Variants in SYT16 observed in about 807,000 individuals in gnomAD.
SYT16 encodes synaptotagmin-16.
In SYT16, 42 loss-of-function variants were observed where a neutral mutation model predicts 61.4. That is an observed-to-expected ratio of 0.68 (90% CI 0.53 to 0.89). The LOEUF is 0.89. SYT16 is among the 40% of genes least tolerant of loss of function. The pLI, the probability that SYT16 is intolerant of heterozygous loss-of-function variation, is 0.00. For synonymous variants in SYT16, 314 were observed against 302.3 expected (o/e 1.04, Z -0.40); for missense variants, 804 against 807.3 (o/e 1.00, Z 0.05).
At chr14:61,955,442 C>T (rs1457155955) in intron 1 of SYT16, among the ~76,000 whole-genome samples, 2 of 151,994 alleles carry the variant, frequency 1.3e-5, no homozygotes, top group African/African-American at 2.4e-5. Flanking sequence ...AACTACAACT[C>T]CCCATTTTCT....
At chr14:62,090,329 C>G (rs1595391230) in intron 7 of SYT16, among the ~76,000 whole-genome samples, 1 of 152,202 alleles carries the variant, frequency 6.6e-6, no homozygotes, top group South Asian at 2.1e-4. Context: ...AATGATAATA[C>G]TTAACAGCAG....
At chr14:62,023,878 T>G (rs921212944) in intron 3 of SYT16, among the ~76,000 whole-genome samples, 1 of 152,168 alleles carries the variant, frequency 6.6e-6, no homozygotes, top group Non-Finnish European at 1.5e-5. Context: ...TGGTAGTGTA[T>G]TCTTTTTCAA....
intron 1 of SYT16, among the ~76,000 whole-genome samples, chr14:61,902,354 G>A (rs761773887): frequency 1.3e-5 from 2 of 152,174 alleles, no homozygotes; most frequent in Non-Finnish European, 2.9e-5. Context: ...TAAAAGTCCT[G>A]ATTATATTCC....
At chr14:62,022,983 A>T (rs1032316318) in intron 3 of SYT16, among the ~76,000 whole-genome samples, 3 of 152,200 alleles carry the variant, frequency 2.0e-5, no homozygotes, top group African/African-American at 4.8e-5. Context: ...ATAATTTTAA[A>T]GTCCTTGTCT....
chr14:62,039,876 CACGCACAT>C (rs1314447386), intron 3 of SYT16, among the ~76,000 whole-genome samples: 180 of 73,098 alleles, frequency 2.5e-3, no homozygotes, highest in African/African-American at 5.0e-3. Flanking sequence ...CACACACACA[CACGCACAT>C]ACACACTAGA....
intron 1 of SYT16, among the ~76,000 whole-genome samples, chr14:61,878,012 T>C (rs60394027): frequency 6.6e-6 from 1 of 152,254 alleles, no homozygotes; most frequent in East Asian, 1.9e-4. Context: ...ACTGCCAGTA[T>C]ACCTGCCCTG....
At chr14:61,814,255 A>G (rs1218545866) in intron 1 of SYT16, among the ~76,000 whole-genome samples, 2 of 152,214 alleles carry the variant, frequency 1.3e-5, no homozygotes, top group Non-Finnish European at 1.5e-5. Flanking sequence ...GTTCATTTAT[A>G]CAAAGTGTGA....
intron 1 of SYT16, among the ~76,000 whole-genome samples, chr14:61,948,413 T>TA (rs769475499): frequency 0.011 from 1,421 of 131,758 alleles, 4 homozygotes; most frequent in African/African-American, 0.023. Context: ...TTTAAAAAAC[T>TA]AAAAAAAAAA....
At chr14:62,022,613 G>A (rs919838728) in intron 3 of SYT16, among the ~76,000 whole-genome samples, 2 of 144,950 alleles carry the variant, frequency 1.4e-5, no homozygotes, top group African/African-American at 2.7e-5. Flanking sequence ...TCTATAATTT[G>A]TATTACACAC....
chr14:62,100,703 C>G lies in SYT16; in HGVS notation c.1934C>G (p.Ser645Cys), dbSNP rs753329224. The G allele has an allele frequency of 3.1e-6, 5 of 1,611,732 alleles. No individual in the cohort carries two copies. In the Admixed American group the frequency reaches 6.7e-5, roughly 22 times the overall value. ...QICRWHTLLE[S>C] is the part of the protein sequence containing the mutation. ...TGCAGATGGCACACTTTGCTGGAAT[C>G]CTAGGTTTGCTAACCTGCATTTGTG... is the stretch of plus-strand genomic sequence containing the variant. The change falls in exon 8 of 8, where the codon TCC (serine) becomes TGC (cysteine). Residue 645 changes from serine to cysteine, a missense_variant. Transcript: ENST00000683842.
At chr14:62,033,784 G>C (rs898778032) in intron 3 of SYT16, among the ~76,000 whole-genome samples, 1 of 152,082 alleles carries the variant, frequency 6.6e-6, no homozygotes, top group African/African-American at 2.4e-5. Context: ...AAATCTTCAT[G>C]ACTTTGGGTT....
At chr14:61,937,009 A>G (rs1274837503) in intron 1 of SYT16, among the ~76,000 whole-genome samples, 1 of 152,232 alleles carries the variant, frequency 6.6e-6, no homozygotes, top group Non-Finnish European at 1.5e-5. Context: ...CAGCATAACC[A>G]TGAACTTGTC....
At chr14:61,818,819 C>T (rs1020959268) in intron 1 of SYT16, among the ~76,000 whole-genome samples, 1 of 152,048 alleles carries the variant, frequency 6.6e-6, no homozygotes, top group African/African-American at 2.4e-5. Context: ...TAATTATAAA[C>T]AGTGTAGAAG....
chr14:61,892,692 G>A (rs925266829), intron 1 of SYT16, among the ~76,000 whole-genome samples: 1 of 152,186 alleles, frequency 6.6e-6, no homozygotes, highest in African/African-American at 2.4e-5. Context: ...CCGATGGGGG[G>A]TGGTGACATC....
At chr14:61,951,801 A>G (rs942824198) in intron 1 of SYT16, among the ~76,000 whole-genome samples, 8 of 152,046 alleles carry the variant, frequency 5.3e-5, no homozygotes, top group African/African-American at 1.9e-4. Context: ...CAGTATATAT[A>G]TATTTTAAGA....
intron 1 of SYT16, among the ~76,000 whole-genome samples, chr14:61,883,014 A>G (rs1393432355): frequency 3.3e-5 from 5 of 152,182 alleles, no homozygotes; most frequent in East Asian, 1.9e-4. Flanking sequence ...CCTTTTAGCC[A>G]TGGCTGGAGA....
At chr14:61,990,432 A>G (rs1595095218) in intron 2 of SYT16, among the ~76,000 whole-genome samples, 1 of 152,134 alleles carries the variant, frequency 6.6e-6, no homozygotes, top group Non-Finnish European at 1.5e-5. Context: ...AGAAGAGTAT[A>G]TTTTTCCAAG....
At chr14:61,877,937 G>A (rs2047557541) in intron 1 of SYT16, among the ~76,000 whole-genome samples, 2 of 152,202 alleles carry the variant, frequency 1.3e-5, no homozygotes, top group Non-Finnish European at 2.9e-5. Context: ...GGTGATAAGA[G>A]CAGAATGTCC....
intron 1 of SYT16, among the ~76,000 whole-genome samples, chr14:61,912,673 A>C (rs1308162927): frequency 6.6e-6 from 1 of 152,218 alleles, no homozygotes; most frequent in Non-Finnish European, 1.5e-5. Flanking sequence ...GGAAGTAGCA[A>C]AGAAAATAAT....
Sources: allele counts gnomAD v4.1 joint callset (sites outside exome capture counted in the v4.1 genomes callset), GRCh38; gene constraint gnomAD v4.1.1; transcripts MANE v1.5; gene names NCBI Gene and HGNC (gene_info 2026-07-23, HGNC 2026-07-21).